FAM118B: variants seen among roughly 807,000 people sequenced by gnomAD.
FAM118B encodes SIR2 antiphage like 1, also known as protein FAM118B.
FAM118B carries 24 observed loss-of-function variants against 38.5 expected under a neutral mutation model. That is an observed-to-expected ratio of 0.62 (90% CI 0.45 to 0.88). The LOEUF (loss-of-function observed/expected upper bound fraction) is 0.88. Among genes scored for constraint, FAM118B ranks in the 40% least tolerant of loss-of-function variants. The pLI is 0.00. For synonymous variants in FAM118B, 138 were observed against 156.3 expected (o/e 0.88, Z 0.87); for missense variants, 334 against 420.0 (o/e 0.80, Z 1.79).
chr11:126,248,650 G>T (rs1469889290), intron 4 of FAM118B, among the ~76,000 whole-genome samples: 2 of 152,122 alleles, frequency 1.3e-5, no homozygotes, highest in Non-Finnish European at 2.9e-5. Flanking sequence ...GATTACAGGC[G>T]TGAGCCAGCA....
In FAM118B at chr11:126,250,967, G is replaced by A. The variant is rs1316031857; in HGVS notation, c.567+234G>A. ...CTATGACTCTTGACAATTTCATCCA[G>A]TTTTAAAGCAAGATTAGAGGAAGTC... On this transcript the variant is annotated intron_variant, in intron 5 of 8. Coordinates refer to ENST00000533050, the MANE Select transcript of FAM118B (RefSeq NM_024556.4). This position sits in a 1 kb window ranked among gnomAD's most constrained non-coding sequence, Gnocchi z 5.1. 1.3e-5 allele frequency among the ~76,000 whole-genome samples: 2 copies of A among 152,136 alleles called. No homozygotes were observed. The highest frequency in any genetic ancestry group is 4.8e-5 in the African/African-American group (2 of 41,420).
At chr11:126,251,099 G>A (rs1406542172) in intron 5 of FAM118B, among the ~76,000 whole-genome samples, 1 of 152,196 alleles carries the variant, frequency 6.6e-6, no homozygotes, top group Non-Finnish European at 1.5e-5. Flanking sequence ...TATTGGAAAT[G>A]TATGAAAACT....
chr11:126,228,955 T>A (rs1045934141), intron 1 of FAM118B, among the ~76,000 whole-genome samples: 4 of 152,246 alleles, frequency 2.6e-5, no homozygotes, highest in African/African-American at 9.6e-5. Flanking sequence ...CAGTATGTTG[T>A]GTTTACTCTG....
At position 126,228,556 on chromosome 11, in the gene FAM118B, G is replaced by A. The variant is rs187429580; in HGVS notation, c.-76-669G>A. Among the ~76,000 whole-genome samples, 107 of 150,208 alleles carry A rather than the reference G, an allele frequency of 7.1e-4. No individual in the cohort carries two copies. The Middle Eastern group carries it at 0.025, about 35-fold the overall frequency. On this transcript the variant is annotated intron_variant, in intron 1 of 8. Transcript: ENST00000533050. ...CTTCATTAAGACTTGTCAATTTTTC[G>A]TTTGTTTGTTTGTTTTTGTTTTGAG...
intron 3 of FAM118B, among the ~76,000 whole-genome samples, chr11:126,238,979 T>TC (rs1950318672): frequency 6.6e-6 from 1 of 151,550 alleles, no homozygotes; most frequent in Admixed American, 6.6e-5. Context: ...AGTCTTTTTT[T>TC]TTTTTTTTTT....
chr11:126,246,582 G>C (rs1398920493), intron 4 of FAM118B, among the ~76,000 whole-genome samples: 1 of 152,154 alleles, frequency 6.6e-6, no homozygotes, highest in East Asian at 1.9e-4. Flanking sequence ...CCTGGGGCGG[G>C]AGGCGGTGGG....
At position 126,262,281 on chromosome 11, in the gene FAM118B, T is replaced by A. The variant is rs1950716927; in HGVS notation, c.*148T>A. On this transcript the variant is annotated 3_prime_UTR_variant, in exon 9 of 9. Transcript: ENST00000533050. Reference sequence around the variant, plus strand: ...AAGGGCGGGGTAGAAGAGGGGGGAATGTTGCAGCGTAATCCTTCATACCAC... The same window carrying A: ...AAGGGCGGGGTAGAAGAGGGGGGAAAGTTGCAGCGTAATCCTTCATACCAC... The A allele has an allele frequency of 1.3e-6, 1 of 773,894 alleles. No homozygotes were observed. Among genetic ancestry groups the A allele is most frequent in the Admixed American group, 2.3e-5 (1 of 42,562 alleles). 47.9% of individuals were successfully genotyped at this position (773,894 alleles called of 1,614,324 possible).
At chr11:126,241,827 G>A (rs190149319) in intron 4 of FAM118B, among the ~76,000 whole-genome samples, 89 of 152,188 alleles carry the variant, frequency 5.8e-4, no homozygotes, top group African/African-American at 2.1e-3. Flanking sequence ...TGGGATTATA[G>A]GCATGAGCCA....
intron 1 of FAM118B, among the ~76,000 whole-genome samples, chr11:126,214,735 T>C (rs1949957231): frequency 1.3e-5 from 2 of 152,128 alleles, no homozygotes; most frequent in South Asian, 4.1e-4. Context: ...TTTACATTGA[T>C]TTTGATATAT....
At chr11:126,259,425 C>CT (rs397945854) in intron 7 of FAM118B, among the ~76,000 whole-genome samples, 25,016 of 129,360 alleles carry the variant, frequency 0.19, 2,942 homozygotes, top group South Asian at 0.31. Context: ...CGTTGTGGTA[C>CT]TTTTTTTTTT....
At chr11:126,243,785 TC>T (rs1166499702) in intron 4 of FAM118B, among the ~76,000 whole-genome samples, 1 of 151,036 alleles carries the variant, frequency 6.6e-6, no homozygotes, top group East Asian at 2.0e-4. Flanking sequence ...ATGCCTGTAA[TC>T]CCAGCTACCC....
At chr11:126,237,621 G>T (rs1423759354) in intron 3 of FAM118B, among the ~76,000 whole-genome samples, 5 of 142,102 alleles carry the variant, frequency 3.5e-5, no homozygotes, top group Non-Finnish European at 6.1e-5. Flanking sequence ...CAGATCGTGA[G>T]GTCAGGAGAT....
chr11:126,262,048 G>GT lies in FAM118B; in HGVS notation c.1043-71dup. The stretch of plus-strand genomic sequence containing the variant: ...TTCTGAAGGGTTAGGATTGACTTAA[G>GT]TATCTGCAGCTTCCAATGTATAAAC... On this transcript the variant is annotated intron_variant, in intron 8 of 8. Transcript: ENST00000533050. The GT allele has an allele frequency of 3.4e-6, 5 of 1,473,664 alleles. No individual in the cohort carries two copies. The South Asian group carries it at 3.4e-5, about 10-fold the overall frequency. The allele number at this position is 1,473,664 out of a possible 1,614,324, so 91.3% of individuals were successfully genotyped here. A position where few individuals can be genotyped will look rare whatever the true frequency, so the allele number is the denominator to read the frequency against.
At chr11:126,223,278 A>G (rs1348749757) in intron 1 of FAM118B, among the ~76,000 whole-genome samples, 1 of 152,168 alleles carries the variant, frequency 6.6e-6, no homozygotes, top group Non-Finnish European at 1.5e-5. Flanking sequence ...TGATTCAAAC[A>G]TGACTTAACC....
chr11:126,259,987 T>A (rs1457790872), intron 7 of FAM118B, among the ~76,000 whole-genome samples: 3 of 152,198 alleles, frequency 2.0e-5, no homozygotes, highest in African/African-American at 7.2e-5. Flanking sequence ...CCCAAAGTGC[T>A]GGGATTACAG....
chr11:126,251,541 T>A (rs967908156), intron 5 of FAM118B, among the ~76,000 whole-genome samples: 2 of 152,196 alleles, frequency 1.3e-5, no homozygotes, highest in African/African-American at 4.8e-5. Flanking sequence ...AGACTAGTTT[T>A]CTCTGGTCCA....
chr11:126,254,872 C>T (rs191581093), intron 6 of FAM118B, among the ~76,000 whole-genome samples: 1 of 152,262 alleles, frequency 6.6e-6, no homozygotes, highest in Admixed American at 6.5e-5. Context: ...TCCTGTGCTT[C>T]TTAACTTATG....
chr11:126,235,465 C>T (rs1172580368), intron 3 of FAM118B, among the ~76,000 whole-genome samples: 1 of 152,100 alleles, frequency 6.6e-6, no homozygotes, highest in Non-Finnish European at 1.5e-5. Context: ...CTCTGTATTG[C>T]CACTCCACAC....
Position 126,250,441 on chromosome 11 carries a change from T to G in FAM118B, c.340-65T>G. 1 of 1,118,562 alleles carries G rather than the reference T, an allele frequency of 8.9e-7. No individual in the cohort carries two copies. The highest frequency in any genetic ancestry group is 1.3e-6 in the Non-Finnish European group (1 of 750,880). The allele number at this position is 1,118,562 out of a possible 1,614,324, so 69.3% of individuals were successfully genotyped here. On this transcript the variant is annotated intron_variant, in intron 4 of 8. Coordinates refer to ENST00000533050, the MANE Select transcript of FAM118B (RefSeq NM_024556.4). This position sits in a 1 kb window ranked among gnomAD's most constrained non-coding sequence, Gnocchi z 5.1. ...ATTCTTCCAAAATTTGTTACTGCTG[T>G]AACTAAAACAACTGACCTACCAAAG...
Sources: gnomAD v4.1 joint callset for allele counts (sites outside exome capture counted in the v4.1 genomes callset) on GRCh38, gnomAD v4.1.1 for gene constraint, Gnocchi (gnomAD v3.1) non-coding constraint, MANE v1.5 for transcripts, NCBI Gene and HGNC (gene_info 2026-07-23, HGNC 2026-07-21) for gene names.